MED12L: variants seen among roughly 807,000 people sequenced by gnomAD.
The protein encoded by MED12L is mediator complex subunit 12L.
MED12L carries 60 observed loss-of-function variants against 281.3 expected under a neutral mutation model. That is an observed-to-expected ratio of 0.21 (90% CI 0.17 to 0.26). The LOEUF is 0.26. Ranked by LOEUF, MED12L falls within the 10% of genes least tolerant of loss-of-function variation. The pLI is 1.00. For missense variants in MED12L, 2,146 were observed against 2,680.9 expected, an observed-to-expected ratio of 0.80 and a Z score of 4.41; for synonymous variants, 974 against 987.2, an observed-to-expected ratio of 0.99 and a Z score of 0.25.
At chr3:151,379,692 A>G (rs542787728) in intron 31 of MED12L, among the ~76,000 whole-genome samples, 1 of 152,230 alleles carries the variant, frequency 6.6e-6, no homozygotes. Context: ...ACAGACATAT[A>G]TATAGGCCTG....
At chr3:151,137,499 C>T (rs1716322648) in intron 5 of MED12L, among the ~76,000 whole-genome samples, 1 of 152,174 alleles carries the variant, frequency 6.6e-6, no homozygotes, top group Non-Finnish European at 1.5e-5. Context: ...GATCTGGGTG[C>T]TAAAGGTGCT....
intron 16 of MED12L, among the ~76,000 whole-genome samples, chr3:151,252,857 G>A (rs974654851): frequency 2.0e-5 from 3 of 151,998 alleles, no homozygotes; most frequent in African/African-American, 7.2e-5. Context: ...TGGTATTTGG[G>A]GTTGTGTGGA....
In MED12L at chr3:151,237,045, CTTTTTTTTTTT is replaced by C. The variant is rs56926535; in HGVS notation, c.2250+43390_2250+43400del. Reference sequence around the variant, plus strand: ...TTAAACTTCAGGAAGTGATGCCAAACTTTTTTTTTTTTTTTTTTTTTGAGACGGAATCTCGC... The same window carrying C: ...TTAAACTTCAGGAAGTGATGCCAAACTTTTTTTTTTGAGACGGAATCTCGC... On this transcript the variant is annotated intron_variant, in intron 16 of 44. Transcript: ENST00000687756. Among the ~76,000 whole-genome samples the C allele has an allele frequency of 2.4e-5, 3 of 125,890 alleles. No individual in the cohort carries two copies. In the South Asian group the frequency reaches 7.7e-4, roughly 32 times the overall value. 82.6% of individuals were successfully genotyped at this position (125,890 alleles called of 152,430 possible). A position where few individuals can be genotyped will look rare whatever the true frequency, so the allele number is the denominator to read the frequency against.
intron 16 of MED12L, among the ~76,000 whole-genome samples, chr3:151,221,127 C>T (rs1456897478): frequency 2.0e-5 from 3 of 152,072 alleles, no homozygotes; most frequent in Non-Finnish European, 4.4e-5. Context: ...TTGCCCCTAC[C>T]CTAGAGATTC....
intron 16 of MED12L, among the ~76,000 whole-genome samples, chr3:151,304,709 T>C (rs191331995): frequency 6.6e-6 from 1 of 152,252 alleles, no homozygotes; most frequent in Non-Finnish European, 1.5e-5. Context: ...CCCAGCTCTG[T>C]TGGTTTTAGC....
Position 151,116,257 on chromosome 3 carries a change from G to A in MED12L, c.100-81G>A, listed in dbSNP as rs73014806. On this transcript the variant is annotated intron_variant, in intron 2 of 44. Coordinates refer to ENST00000687756, the MANE Select transcript of MED12L (RefSeq NM_001393769.1). ...TCCTCTACAGAGTATAACAAATTTA[G>A]CCATTACTTAGGATGCAATATGTGG... The A allele has an allele frequency of 0.011, 9,760 of 891,976 alleles. 618 individuals are homozygous for A. In the African/African-American group the frequency reaches 0.14, roughly 13 times the overall value. 55.3% of individuals were successfully genotyped at this position (891,976 alleles called of 1,614,324 possible). A position where few individuals can be genotyped will look rare whatever the true frequency, so the allele number is the denominator to read the frequency against.
At position 151,436,611 on chromosome 3, in the gene MED12L, A is replaced by T. The variant is rs1720253869; in HGVS notation, c.*3807A>T. On this transcript the variant is annotated 3_prime_UTR_variant, in exon 45 of 45. Transcript: ENST00000687756. ...TGTAAATGTATTCAAATTCATTTAC[A>T]TGCCTATGGCTGCCTTTGATTAAAC... 1.0e-6 allele frequency: 1 copy of T among 958,068 alleles called. No homozygotes were observed. Among genetic ancestry groups the T allele is most frequent in the Admixed American group, 2.4e-5 (1 of 42,348 alleles). 59.3% of individuals were successfully genotyped at this position (958,068 alleles called of 1,614,324 possible). A position where few individuals can be genotyped will look rare whatever the true frequency, so the allele number is the denominator to read the frequency against.
At chr3:151,094,032 C>T (rs531433860) in intron 2 of MED12L, among the ~76,000 whole-genome samples, 1 of 152,330 alleles carries the variant, frequency 6.6e-6, no homozygotes, top group East Asian at 1.9e-4. Flanking sequence ...GATGAGGATG[C>T]ACAGAGTTGA....
At chr3:151,289,439 G>A (rs1324410114) in intron 16 of MED12L, among the ~76,000 whole-genome samples, 1 of 152,218 alleles carries the variant, frequency 6.6e-6, no homozygotes, top group Non-Finnish European at 1.5e-5. Context: ...ACTATTCAAG[G>A]ACGTATGATA....
chr3:151,328,692 T>C, intron 16 of MED12L: 1 of 1,613,902 alleles, frequency 6.2e-7, no homozygotes, highest in Non-Finnish European at 8.5e-7. Flanking sequence ...TCATAAAATA[T>C]CACCGAAGAA....
chr3:151,275,174 C>G (rs1013409931), intron 16 of MED12L, among the ~76,000 whole-genome samples: 1 of 152,044 alleles, frequency 6.6e-6, no homozygotes, highest in Non-Finnish European at 1.5e-5. Flanking sequence ...AAAATAATTG[C>G]GTGTGTATGA....
intron 5 of MED12L, among the ~76,000 whole-genome samples, chr3:151,141,187 G>GTTTTTTGTTTTTT (rs1716936010): frequency 3.0e-5 from 3 of 99,124 alleles, no homozygotes; most frequent in African/African-American, 9.5e-5. Context: ...TGTTTTTTTT[G>GTTTTTTGTTTTTT]TTTTTTTTTT....
At chr3:151,188,743 G>T (rs1037782662) in intron 13 of MED12L, among the ~76,000 whole-genome samples, 6 of 152,154 alleles carry the variant, frequency 3.9e-5, no homozygotes, top group African/African-American at 1.2e-4. Flanking sequence ...TGTGACATTT[G>T]TCTGTATATT....
chr3:151,140,523 G>A (rs1716771334), intron 5 of MED12L, among the ~76,000 whole-genome samples: 1 of 152,136 alleles, frequency 6.6e-6, no homozygotes, highest in Non-Finnish European at 1.5e-5. Context: ...TTGTTGCCCT[G>A]TGGAAACATA....
rs147413981 is a variant in MED12L at position 151,388,722 on chromosome 3, A to G, written c.5451+550A>G. 6.1e-3 allele frequency among the ~76,000 whole-genome samples: 925 copies of G among 152,282 alleles called. 9 individuals carry two copies. Among genetic ancestry groups the G allele is most frequent in the African/African-American group, 0.021 (879 of 41,550 alleles). On this transcript the variant is annotated intron_variant, in intron 37 of 44. Transcript: ENST00000687756. ...CTTTATAAAAGATGAAAATAAGCCT[A>G]ATTTAAAATAGTTTTACTTCTTGTT...
At position 151,352,926 on chromosome 3, in the gene MED12L, A is replaced by G. The variant is rs887097503; in HGVS notation, c.2399-2195A>G. ...TGTTATAAAAGCAAATTAACATAAG[A>G]AAGATGAGGAAAAATATATATTGAC... On this transcript the variant is annotated intron_variant, in intron 17 of 44. Transcript: ENST00000687756. Among the ~76,000 whole-genome samples, 4 of 152,222 alleles carry G rather than the reference A, an allele frequency of 2.6e-5. No individual in the cohort carries two copies. In the East Asian group the frequency reaches 7.7e-4, roughly 29 times the overall value.
intron 16 of MED12L, among the ~76,000 whole-genome samples, chr3:151,272,625 T>C (rs939339566): frequency 6.6e-6 from 1 of 152,330 alleles, no homozygotes; most frequent in South Asian, 2.1e-4. Context: ...CTGCCCCAAG[T>C]ATAAAATATT....
At position 151,416,421 on chromosome 3, in the gene MED12L, T is replaced by C. The variant is rs754343491; in HGVS notation, c.6407T>C (p.Leu2136Ser). 1 of 1,595,302 alleles carries C rather than the reference T, an allele frequency of 6.3e-7. No individual in the cohort carries two copies. The highest frequency in any genetic ancestry group is 8.6e-7 in the Non-Finnish European group (1 of 1,168,254). Reference protein sequence around the residue: ...GLQAMQPQQPLFPRQGLQQTQ... With the variant: ...GLQAMQPQQPSFPRQGLQQTQ... ...CAAGCAATGCAGCCCCAGCAGCCCT[T>C]GGTAAGGCCTGTTGTTTTGGAATCA... Residue 2136 changes from leucine to serine, a missense_variant and splice_region_variant, in exon 43 of 45, where the codon TTG (leucine) becomes TCG (serine). By Grantham distance (145) the Leu-to-Ser change is moderately radical. Coordinates refer to ENST00000687756, the MANE Select transcript of MED12L (RefSeq NM_001393769.1).
chr3:151,294,357 C>A (rs772734660), intron 16 of MED12L: 6 of 1,614,040 alleles, frequency 3.7e-6, no homozygotes, highest in Non-Finnish European at 5.1e-6. Flanking sequence ...AGTGTAATTT[C>A]TTTGCAGTAA....
Sources: allele counts gnomAD v4.1 joint callset (sites outside exome capture counted in the v4.1 genomes callset), GRCh38; gene constraint gnomAD v4.1.1; transcripts MANE v1.5; gene names NCBI Gene and HGNC (gene_info 2026-07-23, HGNC 2026-07-21).